RUFY3: variants seen among roughly 807,000 people sequenced by gnomAD.
The protein encoded by RUFY3 is protein RUFY3.
In RUFY3, 34 loss-of-function variants were observed where a neutral mutation model predicts 84.0. The observed-to-expected ratio is 0.40, with a 90% CI of 0.31 to 0.54. The LOEUF is 0.54. Among genes scored for constraint, RUFY3 ranks in the 20% least tolerant of loss-of-function variants. The pLI is 0.39. For synonymous variants in RUFY3, 242 were observed against 252.9 expected, an observed-to-expected ratio of 0.96 and a Z score of 0.41; for missense variants, 507 against 736.8, an observed-to-expected ratio of 0.69 and a Z score of 3.61.
chr4:70,706,557 G>A (rs1163669324), intron 1 of RUFY3, among the ~76,000 whole-genome samples: 2 of 152,208 alleles, frequency 1.3e-5, no homozygotes, highest in Admixed American at 1.3e-4. Flanking sequence ...TTGCTTTTCT[G>A]CTAAACCCAT....
intron 8 of RUFY3, 96 bp from the exon 9 acceptor site, chr4:70,782,995 C>A: frequency 1.4e-6 from 1 of 712,562 alleles, no homozygotes; most frequent in Non-Finnish European, 2.3e-6. Context: ...CTAAGAATAT[C>A]CAAGCCTGAG....
At chr4:70,742,408 C>A (rs1392910674) in intron 1 of RUFY3, among the ~76,000 whole-genome samples, 1 of 152,196 alleles carries the variant, frequency 6.6e-6, no homozygotes, top group Non-Finnish European at 1.5e-5. Flanking sequence ...ACACACACAT[C>A]CACCACTCTG....
intron 1 of RUFY3, among the ~76,000 whole-genome samples, chr4:70,748,373 C>T (rs773827745): frequency 1.1e-4 from 17 of 152,142 alleles, no homozygotes; most frequent in Non-Finnish European, 1.5e-4. Context: ...TGTGATACCA[C>T]GACATTTAGG....
upstream of RUFY3, among the ~76,000 whole-genome samples, chr4:70,721,651 AAAGAGG>A (rs1742314514): frequency 6.6e-6 from 1 of 152,230 alleles, no homozygotes; most frequent in South Asian, 2.1e-4. Context: ...GATAAGAATG[AAAGAGG>A]TGAATTATAT....
At chr4:70,794,664 C>G (rs921321581) in intron 13 of RUFY3, 131 bp from the exon 14 acceptor site, 7 of 670,922 alleles carry the variant, frequency 1.0e-5, no homozygotes, top group South Asian at 1.7e-5. Context: ...ATTTAAAAAC[C>G]TGTCTCTCTG....
intron 1 of RUFY3, among the ~76,000 whole-genome samples, chr4:70,725,563 TC>T (rs1718103270): frequency 6.6e-6 from 1 of 152,154 alleles, no homozygotes; most frequent in Non-Finnish European, 1.5e-5. Context: ...ACTCCCAACC[TC>T]AGGTGATACA....
At chr4:70,774,119 A>G (rs1727436358) in intron 6 of RUFY3, among the ~76,000 whole-genome samples, 1 of 152,192 alleles carries the variant, frequency 6.6e-6, no homozygotes, top group South Asian at 2.1e-4. Context: ...TTAGCCATTG[A>G]AAGCATAATT....
At chr4:70,791,288 A>G in intron 12 of RUFY3, 1 of 1,613,462 alleles carries the variant, frequency 6.2e-7, no homozygotes, top group South Asian at 1.1e-5. Context: ...TGATCCCAAA[A>G]CATCATTAGG....
intron 16 of RUFY3, 40 bp downstream of exon 16, chr4:70,803,023 A>C: frequency 6.4e-7 from 1 of 1,552,532 alleles, no homozygotes; most frequent in Non-Finnish European, 8.9e-7. Flanking sequence ...TGTATGAATT[A>C]TGAAGTTGGT....
chr4:70,782,428 G>A (rs1195823879), intron 8 of RUFY3, among the ~76,000 whole-genome samples: 1 of 151,414 alleles, frequency 6.6e-6, no homozygotes, highest in Non-Finnish European at 1.5e-5. Flanking sequence ...GGGATTACAG[G>A]CACACACCAC....
chr4:70,804,531 G>C (rs1045771039), intron 17 of RUFY3, 115 bp downstream of exon 17: 7 of 744,512 alleles, frequency 9.4e-6, no homozygotes, highest in Non-Finnish European at 1.5e-5. Context: ...CATGCAGAGT[G>C]CTGGGAGTGG....
chr4:70,763,151 T>C lies in RUFY3; in HGVS notation c.353-401T>C, dbSNP rs962137032. On this transcript the variant is annotated intron_variant, in intron 2 of 17. Transcript: ENST00000381006. ...TTCTTGCCTTCTCAATATTCTTTTC[T>C]TGTTGTTTTTTGTTTGATTGTTTTT... Among the ~76,000 whole-genome samples the C allele has an allele frequency of 1.2e-4, 19 of 152,320 alleles. No individual in the cohort carries two copies. In the East Asian group the frequency reaches 3.7e-3, roughly 29 times the overall value.
intron 1 of RUFY3, among the ~76,000 whole-genome samples, chr4:70,749,962 T>G (rs1294115060): frequency 2.6e-5 from 4 of 151,924 alleles, no homozygotes; most frequent in Non-Finnish European, 5.9e-5. Context: ...AGCCAGAATT[T>G]TACTTTTACT....
intron 12 of RUFY3, chr4:70,791,455 A>G (rs1730802734): frequency 8.7e-6 from 12 of 1,381,356 alleles, no homozygotes; most frequent in Non-Finnish European, 1.1e-5. Context: ...AGTTGGAAAT[A>G]TAGGTTGGGT....
Position 70,801,881 on chromosome 4 carries a change from C to T in RUFY3, c.1623-1075C>T, listed in dbSNP as rs76740844. ...TCCAGGTGCCTTTCAGGGTCAGCCT[C>T]GTTCCAAACTAAAATCAAATCATTT... is the stretch of plus-strand genomic sequence containing the variant. On this transcript the variant is annotated intron_variant, in intron 15 of 17. Transcript: ENST00000381006. 5.8e-3 allele frequency among the ~76,000 whole-genome samples: 885 copies of T among 152,304 alleles called. 14 individuals are homozygous for T. The highest frequency in any genetic ancestry group is 0.021 in the African/African-American group (855 of 41,578).
At chr4:70,792,202 A>C in intron 12 of RUFY3, 2 of 985,520 alleles carry the variant, frequency 2.0e-6, no homozygotes, top group Non-Finnish European at 2.4e-6. Context: ...CAGGGTATAG[A>C]CATGAATGAT....
chr4:70,726,841 A>T (rs1467360996), intron 1 of RUFY3, among the ~76,000 whole-genome samples: 1 of 152,244 alleles, frequency 6.6e-6, no homozygotes, highest in Non-Finnish European at 1.5e-5. Context: ...ACTTAAATGG[A>T]CATTCAGAGA....
intron 1 of RUFY3, among the ~76,000 whole-genome samples, chr4:70,725,746 G>T (rs554722090): frequency 6.6e-6 from 1 of 152,210 alleles, no homozygotes; most frequent in South Asian, 2.1e-4. Context: ...GTCAGGAGAG[G>T]CTTCATTAAG....
chr4:70,711,393 AGAACC>A (rs1740983974), intron 1 of RUFY3, among the ~76,000 whole-genome samples: 1 of 152,250 alleles, frequency 6.6e-6, no homozygotes, highest in South Asian at 2.1e-4. Flanking sequence ...TCAAACTTTC[AGAACC>A]CCAAAAGATT....
Sources: allele counts gnomAD v4.1 joint callset (sites outside exome capture counted in the v4.1 genomes callset), GRCh38; gene constraint gnomAD v4.1.1; transcripts MANE v1.5; gene names NCBI Gene and HGNC (gene_info 2026-07-23, HGNC 2026-07-21).